The following CHD1 variants were observed in gnomAD, a reference collection of about 807,000 sequenced individuals.
The protein encoded by CHD1 is chromodomain helicase DNA binding protein 1, also known as ATP-dependent chromatin remodeler CHD1.
In CHD1, 36 loss-of-function variants were observed where a neutral mutation model predicts 224.2. The observed-to-expected ratio is 0.16, with a 90% CI of 0.12 to 0.21. CHD1 has a LOEUF of 0.21. Among genes scored for constraint, CHD1 ranks in the 10% least tolerant of loss-of-function variants. The pLI is 1.00. For synonymous variants in CHD1, 668 were observed against 658.3 expected, an observed-to-expected ratio of 1.01 and a Z score of -0.23; for missense variants, 1,378 against 1,994.8, an observed-to-expected ratio of 0.69 and a Z score of 5.89.
At chr5:98,903,728 A>G in intron 4 of CHD1, 64 bp downstream of exon 4, 1 of 1,061,842 alleles carries the variant, frequency 9.4e-7, no homozygotes, top group East Asian at 2.4e-5. Flanking sequence ...AATTTCACAA[A>G]TACTAGTTAA....
intron 2 of CHD1, among the ~76,000 whole-genome samples, chr5:98,915,590 T>C (rs1321373782): frequency 2.6e-5 from 4 of 152,206 alleles, no homozygotes; most frequent in Non-Finnish European, 4.4e-5. Flanking sequence ...CTAAAATTTA[T>C]TATAGTATCA....
chr5:98,884,998 C>T (rs1025675152), intron 18 of CHD1, among the ~76,000 whole-genome samples: 4 of 152,060 alleles, frequency 2.6e-5, no homozygotes, highest in Admixed American at 2.6e-4. Context: ...TCCCAAAGTG[C>T]TGGGATTACA....
chr5:98,896,151 T>A, intron 12 of CHD1, 75 bp downstream of exon 12: 1 of 1,296,736 alleles, frequency 7.7e-7, no homozygotes, highest in South Asian at 1.2e-5. Flanking sequence ...TGAAACCCCA[T>A]CTCAAAACAA....
At chr5:98,917,140 T>C (rs1291468365) in intron 2 of CHD1, among the ~76,000 whole-genome samples, 1 of 152,138 alleles carries the variant, frequency 6.6e-6, no homozygotes, top group Non-Finnish European at 1.5e-5. Flanking sequence ...TAGCTTTTAC[T>C]AACATACTTT....
intron 15 of CHD1, among the ~76,000 whole-genome samples, chr5:98,891,260 G>A (rs575299153): frequency 2.6e-5 from 4 of 152,170 alleles, no homozygotes; most frequent in African/African-American, 9.6e-5. Context: ...ATCTTGAGTA[G>A]AGACAGGGTT....
Position 98,928,399 on chromosome 5 carries a change from G to A in CHD1, c.-149+140C>T, listed in dbSNP as rs117931273. On this transcript the variant is annotated intron_variant, in intron 1 of 35. Coordinates refer to ENST00000614616, the MANE Select transcript of CHD1 (RefSeq NM_001270.4). ...CCCCTGCGCGCCAGGCCCGTACACC[G>A]CCACCGGCACTCACAGAGCCACCCG... The A allele has an allele frequency of 1.1e-3, 174 of 152,774 alleles. 4 individuals are homozygous for A. In the East Asian group the frequency reaches 0.024, roughly 21 times the overall value. 9.5% of individuals were successfully genotyped at this position (152,774 alleles called of 1,614,324 possible).
Position 98,904,888 on chromosome 5 carries a change from A to G in CHD1, c.255+9T>C. On this transcript the variant is annotated intron_variant, in intron 3 of 35. Transcript: ENST00000614616. The stretch of plus-strand genomic sequence containing the variant: ...CAATCTACCTTTCATTGGGTATTTT[A>G]TTGATTACCTCAGCTCCATCAACTT... 6.2e-7 allele frequency: 1 copy of G among 1,613,484 alleles called. No homozygotes were observed. The highest frequency in any genetic ancestry group is 8.5e-7 in the Non-Finnish European group (1 of 1,179,416).
chr5:98,919,486 T>A (rs1241365771), intron 2 of CHD1, among the ~76,000 whole-genome samples: 1 of 152,204 alleles, frequency 6.6e-6, no homozygotes, highest in African/African-American at 2.4e-5. Flanking sequence ...TAAAGTGTAC[T>A]GTATGTAAAC....
chr5:98,857,447 T>C (rs1561472231), intron 35 of CHD1, among the ~76,000 whole-genome samples: 3 of 152,138 alleles, frequency 2.0e-5, no homozygotes. Context: ...CTACAACTGA[T>C]GTGTTCATAG....
intron 29 of CHD1, 98 bp from the exon 30 acceptor site, chr5:98,869,980 T>A: frequency 1.2e-6 from 1 of 825,344 alleles, no homozygotes; most frequent in Non-Finnish European, 1.9e-6. Flanking sequence ...TATTCCTACC[T>A]GATCCTTAGT....
At chr5:98,915,053 A>G (rs758593211) in intron 2 of CHD1, among the ~76,000 whole-genome samples, 1 of 152,200 alleles carries the variant, frequency 6.6e-6, no homozygotes, top group African/African-American at 2.4e-5. Flanking sequence ...TTAGTGGCCA[A>G]AGTCAAGCAA....
intron 2 of CHD1, among the ~76,000 whole-genome samples, chr5:98,925,237 T>G (rs2112674094): frequency 6.6e-6 from 1 of 152,268 alleles, no homozygotes; most frequent in Non-Finnish European, 1.5e-5. Flanking sequence ...ACATGAAGCA[T>G]CTCAATCCTC....
intron 2 of CHD1, among the ~76,000 whole-genome samples, chr5:98,925,687 C>T (rs71636354): frequency 6.6e-6 from 1 of 151,982 alleles, no homozygotes; most frequent in East Asian, 1.9e-4. Context: ...AACTCCTTCA[C>T]AGATAATTAA....
chr5:98,912,624 T>C (rs779047140), intron 2 of CHD1, among the ~76,000 whole-genome samples: 11 of 152,060 alleles, frequency 7.2e-5, no homozygotes, highest in Admixed American at 2.6e-4. Context: ...TGAGCCAAGA[T>C]TGAGCCATGG....
chr5:98,863,563 A>G lies in CHD1; in HGVS notation c.4272T>C (p.Val1424=). The G allele has an allele frequency of 6.2e-7, 1 of 1,606,340 alleles. No individual in the cohort carries two copies. The highest frequency in any genetic ancestry group is 8.5e-7 in the Non-Finnish European group (1 of 1,177,978). ...FSICKERMRP[V]KAALKQLDRP... Reference sequence around the variant, plus strand: ...TATCAAGTTGTTTCAAAGCTGCTTTAACAGGCCTCATTCTTTCTTTACACT... The same window carrying G: ...TATCAAGTTGTTTCAAAGCTGCTTTGACAGGCCTCATTCTTTCTTTACACT... Residue 1424 remains valine (V), a synonymous_variant, in exon 32 of 36, where the codon GTT becomes GTC. Transcript: ENST00000614616.
At position 98,856,087 on chromosome 5, in the gene CHD1, C is replaced by G; in HGVS notation, c.*293G>C. The G allele has an allele frequency of 4.8e-6, 1 of 207,230 alleles. No individual in the cohort carries two copies. The highest frequency in any genetic ancestry group is 1.0e-4 in the East Asian group (1 of 9,932). 12.8% of individuals were successfully genotyped at this position (207,230 alleles called of 1,614,324 possible). A position where few individuals can be genotyped will look rare whatever the true frequency, so the allele number is the denominator to read the frequency against. On this transcript the variant is annotated 3_prime_UTR_variant, in exon 36 of 36. Coordinates refer to ENST00000614616, the MANE Select transcript of CHD1 (RefSeq NM_001270.4). Reference sequence around the variant, plus strand: ...TGACTTAAAAACAGTTTTATCCAGCCTGTATGGGAGGGCAGTGTTGAGGTC... The same window carrying G: ...TGACTTAAAAACAGTTTTATCCAGCGTGTATGGGAGGGCAGTGTTGAGGTC...
At chr5:98,912,784 T>C (rs534852916) in intron 2 of CHD1, among the ~76,000 whole-genome samples, 6 of 152,364 alleles carry the variant, frequency 3.9e-5, no homozygotes, top group African/African-American at 1.4e-4. Context: ...TTAAACATTA[T>C]ACGTAAATTA....
intron 15 of CHD1, 114 bp downstream of exon 15, chr5:98,892,411 T>C (rs367968711): frequency 3.8e-5 from 24 of 639,880 alleles, no homozygotes; most frequent in African/African-American, 2.0e-4. Context: ...AACTCGAGAA[T>C]TGCAACTGCT....
intron 33 of CHD1, 40 bp downstream of exon 33, chr5:98,859,932 A>G: frequency 9.8e-7 from 1 of 1,016,228 alleles, no homozygotes. Flanking sequence ...CAAGGTTTTA[A>G]TTATATAAAT....
Sources: allele counts gnomAD v4.1 joint callset (sites outside exome capture counted in the v4.1 genomes callset), GRCh38; gene constraint gnomAD v4.1.1; transcripts MANE v1.5; gene names NCBI Gene and HGNC (gene_info 2026-07-23, HGNC 2026-07-21).